SPATA13: variants seen among roughly 807,000 people sequenced by gnomAD.
SPATA13 encodes spermatogenesis-associated protein 13.
Under a neutral mutation model 104.0 loss-of-function variants are expected in SPATA13, and 50 were observed. The ratio of observed to expected loss-of-function variants is 0.48; its 90% CI spans 0.38 to 0.61. SPATA13 has a LOEUF of 0.61. Ranked by LOEUF, SPATA13 falls within the 20% of genes least tolerant of loss-of-function variation. SPATA13 has a pLI of 0.00. For synonymous variants in SPATA13, 606 were observed against 667.5 expected, an observed-to-expected ratio of 0.91 and a Z score of 1.42; for missense variants, 1,524 against 1,690.6, an observed-to-expected ratio of 0.90 and a Z score of 1.73.
intron 1 of SPATA13, among the ~76,000 whole-genome samples, chr13:24,221,019 G>A (rs1382798340): frequency 6.6e-6 from 1 of 152,176 alleles, no homozygotes. Context: ...GGCCTTGGAG[G>A]TAATGGCATT....
intron 3 of SPATA13, among the ~76,000 whole-genome samples, chr13:24,121,385 T>C (rs1272091467): frequency 6.6e-6 from 1 of 152,304 alleles, no homozygotes; most frequent in East Asian, 1.9e-4. Context: ...CCCCATTACA[T>C]CTTTTTATAA....
chr13:24,226,090 A>G (rs1871921370), intron 2 of SPATA13, among the ~76,000 whole-genome samples: 1 of 152,130 alleles, frequency 6.6e-6, no homozygotes. Context: ...CTCAGAATGG[A>G]GGAAGTGCAT....
intron 3 of SPATA13, among the ~76,000 whole-genome samples, chr13:24,112,156 C>A (rs1880659152): frequency 6.6e-6 from 1 of 152,244 alleles, no homozygotes; most frequent in African/African-American, 2.4e-5. Flanking sequence ...CCTTTCCTTT[C>A]TGCACTTCTG....
At chr13:23,980,705 C>T (rs1012391460) in intron 1 of SPATA13, among the ~76,000 whole-genome samples, 1 of 152,136 alleles carries the variant, frequency 6.6e-6, no homozygotes, top group African/African-American at 2.4e-5. Context: ...GATTCTCCTG[C>T]CTCACCCTCC....
At chr13:24,140,125 T>G (rs185295834) in intron 3 of SPATA13, among the ~76,000 whole-genome samples, 272 of 152,112 alleles carry the variant, frequency 1.8e-3, no homozygotes, top group African/African-American at 6.3e-3. Flanking sequence ...CTAAGGCTCC[T>G]GCCAATGCTA....
chr13:24,291,792 C>T (rs1476762108), intron 9 of SPATA13, among the ~76,000 whole-genome samples: 2 of 132,874 alleles, frequency 1.5e-5, no homozygotes, highest in Admixed American at 1.5e-4. Context: ...TTCTGTCGCC[C>T]AGGCCGGACT....
In SPATA13 at chr13:24,161,616, G is replaced by C. The variant is rs1009388845; in HGVS notation, c.-112+684G>C. Among the ~76,000 whole-genome samples the C allele has an allele frequency of 1.3e-5, 2 of 152,156 alleles. No individual in the cohort carries two copies. Among genetic ancestry groups the C allele is most frequent in the Admixed American group, 6.5e-5 (1 of 15,282 alleles). On this transcript the variant is annotated intron_variant, in intron 1 of 12. Coordinates refer to ENST00000382108, the MANE Select transcript of SPATA13 (RefSeq NM_001166271.3). This position sits in a 1 kb window ranked among gnomAD's most constrained non-coding sequence, Gnocchi z 4.5. ...CTGCTGCCAGCGTCAGGGGGAGCTC[G>C]GGTGACTTGGGCTGGGCCACCCATC... is the stretch of plus-strand genomic sequence containing the variant.
intron 1 of SPATA13, among the ~76,000 whole-genome samples, chr13:24,215,460 T>G (rs7330484): frequency 0.12 from 18,269 of 152,170 alleles, 1,674 homozygotes; most frequent in Admixed American, 0.3. Flanking sequence ...TCCCCTACCT[T>G]AAGACCTGAT....
At chr13:24,090,840 C>A (rs1302187778) in intron 3 of SPATA13, among the ~76,000 whole-genome samples, 1 of 152,194 alleles carries the variant, frequency 6.6e-6, no homozygotes, top group African/African-American at 2.4e-5. Context: ...ACTAAACTTT[C>A]CTGTTTCTTT....
chr13:24,285,292 G>T lies in SPATA13; in HGVS notation c.2302-922G>T, dbSNP rs574918283. Among the ~76,000 whole-genome samples the T allele has an allele frequency of 9.9e-5, 15 of 152,174 alleles. No individual in the cohort carries two copies. In the South Asian group the frequency reaches 2.9e-3, roughly 30 times the overall value. ...GTTAGATGCAAAACTTACTCGAATT[G>T]TGAATAAAGTATGAATGATCCACAC... On this transcript the variant is annotated intron_variant, in intron 5 of 12. Transcript: ENST00000382108.
At chr13:24,003,365 A>T (rs9551035) in intron 2 of SPATA13, among the ~76,000 whole-genome samples, 23,917 of 152,226 alleles carry the variant, frequency 0.16, 2,550 homozygotes, top group East Asian at 0.51. Context: ...GCAGGTTTAC[A>T]AGAGAAGGTG....
chr13:24,190,570 G>A (rs1285489214), intron 1 of SPATA13, among the ~76,000 whole-genome samples: 1 of 151,010 alleles, frequency 6.6e-6, no homozygotes, highest in East Asian at 1.9e-4. Flanking sequence ...GACTTTGAGG[G>A]GTTCGAGACT....
intron 1 of SPATA13, among the ~76,000 whole-genome samples, chr13:23,982,814 C>T (rs1048528482): frequency 6.6e-6 from 1 of 152,206 alleles, no homozygotes; most frequent in African/African-American, 2.4e-5. Context: ...GACCGTGTCA[C>T]ATGATTTTTA....
chr13:24,031,784 A>G (rs1276274026), intron 3 of SPATA13, among the ~76,000 whole-genome samples: 1 of 152,180 alleles, frequency 6.6e-6, no homozygotes, highest in African/African-American at 2.4e-5. Flanking sequence ...ATCTACATCC[A>G]GCATTCTGCA....
chr13:24,207,335 G>T (rs907377306), intron 1 of SPATA13, among the ~76,000 whole-genome samples: 1 of 152,160 alleles, frequency 6.6e-6, no homozygotes, highest in Non-Finnish European at 1.5e-5. Flanking sequence ...GTTTACCTAG[G>T]TAACAAATCT....
chr13:24,117,976 A>G (rs1880906636), intron 3 of SPATA13, among the ~76,000 whole-genome samples: 1 of 152,240 alleles, frequency 6.6e-6, no homozygotes, highest in South Asian at 2.1e-4. Flanking sequence ...ATGGCATTAG[A>G]AAAACTTGAA....
chr13:23,994,692 G>A (rs554634944), intron 2 of SPATA13, among the ~76,000 whole-genome samples: 3 of 152,218 alleles, frequency 2.0e-5, no homozygotes, highest in Admixed American at 6.5e-5. Flanking sequence ...ATAGAGTGCT[G>A]TTTTTTTAAC....
At chr13:24,261,775 A>G (rs1874073904) in intron 4 of SPATA13, among the ~76,000 whole-genome samples, 1 of 145,834 alleles carries the variant, frequency 6.9e-6, no homozygotes, top group Non-Finnish European at 1.5e-5. Context: ...TCGTGCCCTT[A>G]AAAAAAAAAA....
chr13:24,198,289 A>G (rs1474922262), intron 1 of SPATA13, among the ~76,000 whole-genome samples: 4 of 152,112 alleles, frequency 2.6e-5, no homozygotes, highest in Non-Finnish European at 5.9e-5. Context: ...CACCGCACCG[A>G]GCCACCTTGT....
Sources: gnomAD v4.1 joint callset for allele counts (sites outside exome capture counted in the v4.1 genomes callset) on GRCh38, gnomAD v4.1.1 for gene constraint, Gnocchi (gnomAD v3.1) non-coding constraint, MANE v1.5 for transcripts, NCBI Gene and HGNC (gene_info 2026-07-23, HGNC 2026-07-21) for gene names.